The following LOC400499 variants were observed in gnomAD, a reference collection of about 807,000 sequenced individuals.
chr16:11,512,084 T>A, the LOC400499 span, among the ~76,000 whole-genome samples: 3 of 146,552 alleles, frequency 2.0e-5, no homozygotes, highest in African/African-American at 7.6e-5. Flanking sequence ...AAGTCAGGAG[T>A]TCCAGACCAC....
chr16:11,386,482 G>C, the LOC400499 span, among the ~76,000 whole-genome samples: 2 of 152,262 alleles, frequency 1.3e-5, no homozygotes, highest in Non-Finnish European at 2.9e-5. Context: ...CTTCTAGGGA[G>C]CCCTGGGCCT....
At chr16:11,398,122 C>G in the LOC400499 span, among the ~76,000 whole-genome samples, 2 of 152,196 alleles carry the variant, frequency 1.3e-5, no homozygotes, top group Non-Finnish European at 2.9e-5. Context: ...GTCTCACCAT[C>G]ACTCTACGTC....
chr16:11,501,700 G>A, the LOC400499 span, among the ~76,000 whole-genome samples: 1 of 151,832 alleles, frequency 6.6e-6, no homozygotes, highest in Non-Finnish European at 1.5e-5. Flanking sequence ...GTGGAATGCC[G>A]GCCCTGCCCA....
chr16:11,505,151 A>G, the LOC400499 span, among the ~76,000 whole-genome samples: 1 of 151,898 alleles, frequency 6.6e-6, no homozygotes, highest in African/African-American at 2.4e-5. Context: ...ATGGCTTAAA[A>G]AAAAAAAAAA....
chr16:11,465,871 G>A, the LOC400499 span, among the ~76,000 whole-genome samples: 1 of 151,360 alleles, frequency 6.6e-6, no homozygotes, highest in East Asian at 1.9e-4. Context: ...GGGAATAGAG[G>A]GAGGGAAAGA....
At chr16:11,524,640 G>A in the LOC400499 span, among the ~76,000 whole-genome samples, 9,489 of 152,242 alleles carry the variant, frequency 0.062, 333 homozygotes, top group South Asian at 0.073. Flanking sequence ...GACAACCAGG[G>A]CATGAGCAGA....
the LOC400499 span, among the ~76,000 whole-genome samples, chr16:11,415,251 T>C: frequency 6.6e-6 from 1 of 152,180 alleles, no homozygotes; most frequent in African/African-American, 2.4e-5. Context: ...CCCTTTGCTA[T>C]ACAGAGAAAC....
At chr16:11,509,083 C>T in the LOC400499 span, among the ~76,000 whole-genome samples, 3,057 of 151,980 alleles carry the variant, frequency 0.02, 42 homozygotes, top group Non-Finnish European at 0.026. Flanking sequence ...AAACTGTGGG[C>T]CACTCACATC....
At chr16:11,399,088 G>C in the LOC400499 span, 1 of 447,832 alleles carries the variant, frequency 2.2e-6, no homozygotes, top group Admixed American at 6.4e-5. Flanking sequence ...AAGCTCTGCA[G>C]AACAGTGCTC....
the LOC400499 span, chr16:11,401,363 GC>G: frequency 2.5e-6 from 1 of 399,586 alleles, no homozygotes. Context: ...CAGGCGGGCG[GC>G]CAGCTCACTC....
At chr16:11,437,683 C>T in the LOC400499 span, among the ~76,000 whole-genome samples, 3,574 of 152,268 alleles carry the variant, frequency 0.023, 123 homozygotes, top group African/African-American at 0.073. Context: ...GCCTGGCCAA[C>T]GTAGTGAAAT....
the LOC400499 span, among the ~76,000 whole-genome samples, chr16:11,498,918 G>C: frequency 6.7e-6 from 1 of 150,096 alleles, no homozygotes; most frequent in Non-Finnish European, 1.5e-5. Flanking sequence ...TTGAGGCCTG[G>C]GAAAGTAAAG....
chr16:11,431,160 T>C, the LOC400499 span: 1 of 399,012 alleles, frequency 2.5e-6, no homozygotes, highest in Non-Finnish European at 4.4e-6. Flanking sequence ...CTCCCCTCCA[T>C]TCCTCAGATG....
At chr16:11,466,956 C>CAT in the LOC400499 span, among the ~76,000 whole-genome samples, 1 of 151,740 alleles carries the variant, frequency 6.6e-6, no homozygotes, top group Non-Finnish European at 1.5e-5. Flanking sequence ...CACACACACA[C>CAT]ATATATATAT....
chr16:11,385,774 G>T, the LOC400499 span, among the ~76,000 whole-genome samples: 1 of 152,242 alleles, frequency 6.6e-6, no homozygotes, highest in Non-Finnish European at 1.5e-5. Flanking sequence ...GCAGATTGGT[G>T]GCTGCAGGGT....
At chr16:11,439,174 A>G in the LOC400499 span, among the ~76,000 whole-genome samples, 1 of 152,144 alleles carries the variant, frequency 6.6e-6, no homozygotes, top group Non-Finnish European at 1.5e-5. Flanking sequence ...GAAGGATTAC[A>G]TGGCTTCTCC....
the LOC400499 span, among the ~76,000 whole-genome samples, chr16:11,376,489 A>T: frequency 2.0e-5 from 3 of 152,200 alleles, no homozygotes; most frequent in African/African-American, 7.2e-5. Context: ...TCCTTATTGA[A>T]ATCATTTGAC....
chr16:11,419,308 T>A, the LOC400499 span, among the ~76,000 whole-genome samples: 1 of 151,988 alleles, frequency 6.6e-6, no homozygotes. Context: ...TATCTACAAC[T>A]ATCTGATCTT....
the LOC400499 span, among the ~76,000 whole-genome samples, chr16:11,487,682 G>T: frequency 6.6e-6 from 1 of 152,202 alleles, no homozygotes; most frequent in African/African-American, 2.4e-5. Flanking sequence ...GGTTGAAAGA[G>T]ATTCCCTTTT....
Sources: allele counts gnomAD v4.1 joint callset (sites outside exome capture counted in the v4.1 genomes callset), GRCh38; gene constraint gnomAD v4.1.1; transcripts MANE v1.5.